The following CNTNAP5 variants were observed in gnomAD, a reference collection of about 807,000 sequenced individuals.
CNTNAP5 encodes the protein contactin associated protein family member 5.
Under a neutral mutation model 150.2 loss-of-function variants are expected in CNTNAP5, and 72 were observed. The ratio of observed to expected loss-of-function variants is 0.48; its 90% CI spans 0.40 to 0.58. The LOEUF (loss-of-function observed/expected upper bound fraction) is 0.58. Among genes scored for constraint, CNTNAP5 ranks in the 20% least tolerant of loss-of-function variants. The pLI is 0.00. For synonymous variants in CNTNAP5, 672 were observed against 619.8 expected (o/e 1.08, Z -1.25); for missense variants, 1,636 against 1,626.2 (o/e 1.01, Z -0.10).
intron 7 of CNTNAP5, among the ~76,000 whole-genome samples, chr2:124,492,013 T>C (rs187098179): frequency 4.6e-5 from 7 of 152,224 alleles, no homozygotes; most frequent in Non-Finnish European, 8.8e-5. Context: ...GCATATTTTG[T>C]ATAGTACCCT....
intron 1 of CNTNAP5, among the ~76,000 whole-genome samples, chr2:124,075,289 C>G (rs1172835766): frequency 6.6e-6 from 1 of 152,100 alleles, no homozygotes; most frequent in Non-Finnish European, 1.5e-5. Context: ...GGTGACCTGT[C>G]ATACTCCTTT....
At chr2:124,660,956 A>G (rs1420625995) in intron 13 of CNTNAP5, among the ~76,000 whole-genome samples, 4 of 151,350 alleles carry the variant, frequency 2.6e-5, no homozygotes, top group South Asian at 2.1e-4. Context: ...AAAAAAAAAA[A>G]AAAAAAGAAA....
chr2:124,597,272 G>A (rs1311594181), intron 11 of CNTNAP5, among the ~76,000 whole-genome samples: 1 of 150,100 alleles, frequency 6.7e-6, no homozygotes, highest in Admixed American at 6.6e-5. Context: ...ATTTTGCAGC[G>A]GCTGGTACCG....
At chr2:124,774,626 G>A (rs555652599) in intron 17 of CNTNAP5, among the ~76,000 whole-genome samples, 25 of 152,248 alleles carry the variant, frequency 1.6e-4, no homozygotes, top group African/African-American at 5.3e-4. Flanking sequence ...TGACTTCTGA[G>A]GAAGGTTGCT....
intron 3 of CNTNAP5, among the ~76,000 whole-genome samples, chr2:124,355,054 TA>T (rs1190006917): frequency 6.6e-6 from 1 of 150,938 alleles, no homozygotes; most frequent in East Asian, 1.9e-4. Context: ...CCTTTTCATT[TA>T]AAAAAATTTT....
chr2:124,261,667 C>A (rs1007985261), intron 3 of CNTNAP5, among the ~76,000 whole-genome samples: 4 of 152,142 alleles, frequency 2.6e-5, no homozygotes, highest in African/African-American at 4.8e-5. Context: ...CAGTGTTTGC[C>A]TTGTAACCAG....
intron 1 of CNTNAP5, among the ~76,000 whole-genome samples, chr2:124,054,333 G>A (rs761987960): frequency 1.1e-4 from 16 of 152,000 alleles, no homozygotes; most frequent in Admixed American, 1.0e-3. Context: ...GGAATATGAT[G>A]GAAAAAATAG....
In CNTNAP5 at chr2:124,055,930, A is replaced by T. The variant is rs545377094; in HGVS notation, c.82+30198A>T. Among the ~76,000 whole-genome samples, 13 of 151,730 alleles carry T rather than the reference A, an allele frequency of 8.6e-5. No individual in the cohort carries two copies. In the South Asian group the frequency reaches 2.1e-3, roughly 24 times the overall value. On this transcript the variant is annotated intron_variant, in intron 1 of 23. Transcript: ENST00000682447. The stretch of plus-strand genomic sequence containing the variant: ...TCCCGCACCATCCATGTCCACTGCC[A>T]TGGCTCTGATTTTGACTCCCTCTGT...
chr2:124,450,817 G>C (rs146852886), intron 6 of CNTNAP5, among the ~76,000 whole-genome samples: 193 of 151,124 alleles, frequency 1.3e-3, no homozygotes, highest in African/African-American at 4.4e-3. Context: ...CAGTAATCTT[G>C]TTTTACATAG....
chr2:124,719,983 A>G (rs944787296), intron 13 of CNTNAP5, among the ~76,000 whole-genome samples: 1 of 152,168 alleles, frequency 6.6e-6, no homozygotes, highest in Non-Finnish European at 1.5e-5. Flanking sequence ...GAGAAAGAAA[A>G]AAGTGTGGAT....
intron 19 of CNTNAP5, among the ~76,000 whole-genome samples, chr2:124,821,040 C>T (rs1256763042): frequency 6.6e-6 from 1 of 152,240 alleles, no homozygotes; most frequent in Non-Finnish European, 1.5e-5. Context: ...TTATTCCCAA[C>T]ATCGCCAGGC....
chr2:124,868,275 A>T (rs1287297493), intron 20 of CNTNAP5, among the ~76,000 whole-genome samples: 1 of 152,144 alleles, frequency 6.6e-6, no homozygotes, highest in Non-Finnish European at 1.5e-5. Context: ...AAGGTCTTCC[A>T]GTGGCTTATA....
At chr2:124,567,234 A>G (rs1050466761) in intron 11 of CNTNAP5, among the ~76,000 whole-genome samples, 2 of 152,174 alleles carry the variant, frequency 1.3e-5, no homozygotes, top group Non-Finnish European at 2.9e-5. Context: ...TCTCTAAAAA[A>G]TAACAGAATG....
intron 3 of CNTNAP5, among the ~76,000 whole-genome samples, chr2:124,400,437 C>T (rs969215865): frequency 6.6e-6 from 1 of 152,056 alleles, no homozygotes; most frequent in Admixed American, 6.5e-5. Context: ...AGACTGGCAG[C>T]CTTTTCATCT....
In CNTNAP5 at chr2:124,720,223, A is replaced by C. The variant is rs546271264; in HGVS notation, c.2078-27006A>C. ...GGCTTCAATTCCTTCATCTATAAGA[A>C]AGGGTTTTGTATAGCCTGTATTTTT... On this transcript the variant is annotated intron_variant, in intron 13 of 23. Transcript: ENST00000682447. 1.8e-4 allele frequency among the ~76,000 whole-genome samples: 28 copies of C among 152,276 alleles called. No individual in the cohort carries two copies. In the South Asian group the frequency reaches 5.6e-3, roughly 30 times the overall value.
At chr2:124,832,210 C>T (rs1252793828) in intron 19 of CNTNAP5, among the ~76,000 whole-genome samples, 1 of 151,938 alleles carries the variant, frequency 6.6e-6, no homozygotes, top group African/African-American at 2.4e-5. Context: ...TTATTTTATC[C>T]ATAATTTTTA....
At chr2:124,117,172 C>A (rs547375005) in intron 1 of CNTNAP5, among the ~76,000 whole-genome samples, 1 of 152,306 alleles carries the variant, frequency 6.6e-6, no homozygotes, top group African/African-American at 2.4e-5. Flanking sequence ...AAAATATAAA[C>A]CGAGCCAAGA....
At chr2:124,647,548 G>C (rs1678228644) in intron 12 of CNTNAP5, among the ~76,000 whole-genome samples, 1 of 152,170 alleles carries the variant, frequency 6.6e-6, no homozygotes, top group African/African-American at 2.4e-5. Context: ...GTGGGAAAAG[G>C]GCTCCGCAAA....
chr2:124,677,391 A>G (rs903857518), intron 13 of CNTNAP5, among the ~76,000 whole-genome samples: 1 of 152,248 alleles, frequency 6.6e-6, no homozygotes, highest in African/African-American at 2.4e-5. Context: ...GAGTGAAAGA[A>G]CAAACATTCC....
Sources: allele counts gnomAD v4.1 joint callset (sites outside exome capture counted in the v4.1 genomes callset), GRCh38; gene constraint gnomAD v4.1.1; transcripts MANE v1.5; gene names NCBI Gene and HGNC (gene_info 2026-07-23, HGNC 2026-07-21).